DDR2: variants seen among roughly 807,000 people sequenced by gnomAD.
DDR2 encodes discoidin domain-containing receptor 2.
In DDR2, 27 loss-of-function variants were observed where a neutral mutation model predicts 94.9. That is an observed-to-expected ratio of 0.28 (90% confidence interval 0.21 to 0.39). The LOEUF (loss-of-function observed/expected upper bound fraction) is 0.39. Among genes scored for constraint, DDR2 ranks in the 10% least tolerant of loss-of-function variants. DDR2 has a pLI of 1.00. For synonymous variants in DDR2, 382 were observed against 377.2 expected, an observed-to-expected ratio of 1.01 and a Z score of -0.15; for missense variants, 783 against 1,076.0, an observed-to-expected ratio of 0.73 and a Z score of 3.81.
intron 2 of DDR2, among the ~76,000 whole-genome samples, chr1:162,696,091 T>C (rs1660172834): frequency 6.6e-6 from 1 of 152,148 alleles, no homozygotes; most frequent in Admixed American, 6.5e-5. Flanking sequence ...CCACTCATTA[T>C]ATTCCAGTAT....
intron 7 of DDR2, among the ~76,000 whole-genome samples, chr1:162,759,490 C>A (rs1303771076): frequency 6.6e-6 from 1 of 152,072 alleles, no homozygotes; most frequent in Non-Finnish European, 1.5e-5. Flanking sequence ...TAAGAATAGG[C>A]AAGGTGCAAT....
At chr1:162,652,942 C>G (rs1236070286) in intron 1 of DDR2, among the ~76,000 whole-genome samples, 1 of 151,614 alleles carries the variant, frequency 6.6e-6, no homozygotes, top group Non-Finnish European at 1.5e-5. Context: ...CTTGTCTGTA[C>G]AAAAAATACA....
intron 2 of DDR2, among the ~76,000 whole-genome samples, chr1:162,705,754 C>A (rs1383585923): frequency 6.6e-6 from 1 of 152,186 alleles, no homozygotes; most frequent in African/African-American, 2.4e-5. Context: ...GGCCCAGAGG[C>A]CAGCTTACTG....
intron 1 of DDR2, among the ~76,000 whole-genome samples, chr1:162,652,609 A>T (rs17472834): frequency 6.6e-6 from 1 of 152,242 alleles, no homozygotes; most frequent in Non-Finnish European, 1.5e-5. Context: ...ACAGACAATA[A>T]GGAGAGAGGA....
intron 2 of DDR2, among the ~76,000 whole-genome samples, chr1:162,656,448 A>G (rs1657968973): frequency 6.6e-6 from 1 of 152,080 alleles, no homozygotes; most frequent in Admixed American, 6.6e-5. Flanking sequence ...TCTGTTTATT[A>G]TCTAGGGAAT....
chr1:162,733,919 C>T (rs777361752), intron 3 of DDR2, among the ~76,000 whole-genome samples: 11 of 152,138 alleles, frequency 7.2e-5, no homozygotes, highest in African/African-American at 2.4e-4. Context: ...TCCATAGCTT[C>T]GTCACATTAT....
At chr1:162,703,762 T>C (rs1479219176) in intron 2 of DDR2, among the ~76,000 whole-genome samples, 2 of 152,206 alleles carry the variant, frequency 1.3e-5, no homozygotes, top group African/African-American at 4.8e-5. Context: ...TATGTAGTTA[T>C]TCCAGTTCCT....
At position 162,770,513 on chromosome 1, in the gene DDR2, G is replaced by A. The variant is rs1326143178; in HGVS notation, c.1504+1G>A. On this transcript the variant is annotated splice_donor_variant, in intron 12 of 17. Coordinates refer to ENST00000367921, the MANE Select transcript of DDR2 (RefSeq NM_006182.4). LOFTEE classifies it high-confidence loss of function. ...TTTGCTCCAGGGGAGGAGGAGTCAG[G>A]TGAGGATGATGTGGTGGGCAGGGTG... 2 of 1,613,966 alleles carry A rather than the reference G, an allele frequency of 1.2e-6. No homozygotes were observed. Among genetic ancestry groups the A allele is most frequent in the African/African-American group, 1.3e-5 (1 of 74,898 alleles).
chr1:162,678,306 G>C (rs1447737085), intron 2 of DDR2, among the ~76,000 whole-genome samples: 1 of 152,134 alleles, frequency 6.6e-6, no homozygotes, highest in African/African-American at 2.4e-5. Flanking sequence ...AATAATTCCT[G>C]TCTCATAAAG....
In DDR2 at chr1:162,772,072, T is replaced by C; in HGVS notation, c.1553T>C (p.Val518Ala). 1.2e-6 allele frequency: 2 copies of C among 1,613,306 alleles called. No individual in the cohort carries two copies. The highest frequency in any genetic ancestry group is 1.7e-6 in the Non-Finnish European group (2 of 1,179,802). The change falls in exon 13 of 18, where the codon GTG becomes GCG. Residue 518 changes from valine to alanine, a missense_variant. Around this residue, in one of 2 missense-constraint regions of DDR2, gnomAD observed 264 missense variants for 428.2 expected, o/e 0.62. Coordinates refer to ENST00000367921, the MANE Select transcript of DDR2 (RefSeq NM_006182.4). ...KPVQPSGPEG[V>A]PHYAEADIVN... ...GTCCAGCCCAGTGGCCCTGAGGGGG[T>C]GCCCCACTATGCAGAGGCTGACATA... is the stretch of plus-strand genomic sequence containing the variant.
chr1:162,726,105 A>G (rs186550215), intron 3 of DDR2, among the ~76,000 whole-genome samples: 12 of 152,318 alleles, frequency 7.9e-5, no homozygotes, highest in African/African-American at 2.9e-4. Context: ...GGCTGTTAGG[A>G]AGAGTAAGAG....
chr1:162,772,350 G>T, intron 13 of DDR2, 103 bp downstream of exon 13: 1 of 1,185,230 alleles, frequency 8.4e-7, no homozygotes, highest in Non-Finnish European at 1.2e-6. Context: ...ACAACAGAAT[G>T]TCTCTTCCAT....
At chr1:162,692,482 G>A (rs1040760509) in intron 2 of DDR2, among the ~76,000 whole-genome samples, 1 of 152,090 alleles carries the variant, frequency 6.6e-6, no homozygotes, top group Non-Finnish European at 1.5e-5. Flanking sequence ...AAAAAGACAA[G>A]AAAAGGGAAA....
intron 6 of DDR2, 85 bp from the exon 7 acceptor site, chr1:162,755,579 A>G: frequency 7.5e-7 from 1 of 1,330,526 alleles, no homozygotes; most frequent in South Asian, 1.2e-5. Flanking sequence ...CACGCTGTGC[A>G]AGCTTATACC....
At chr1:162,752,940 A>G (rs949143109) in intron 3 of DDR2, among the ~76,000 whole-genome samples, 155 bp from the exon 4 acceptor site, 1 of 152,312 alleles carries the variant, frequency 6.6e-6, no homozygotes, top group African/African-American at 2.4e-5. Flanking sequence ...CAAGTCTGAT[A>G]GAGTCAGGGT....
chr1:162,668,020 G>T (rs932958745), intron 2 of DDR2, among the ~76,000 whole-genome samples: 1 of 152,204 alleles, frequency 6.6e-6, no homozygotes, highest in Non-Finnish European at 1.5e-5. Flanking sequence ...AGTGAGGTAG[G>T]GGGAGTGGGG....
chr1:162,665,551 C>T (rs1658509648), intron 2 of DDR2, among the ~76,000 whole-genome samples: 1 of 127,676 alleles, frequency 7.8e-6, no homozygotes, highest in Admixed American at 9.7e-5. Flanking sequence ...TTAACAGGGA[C>T]TTGCATGTAT....
intron 2 of DDR2, among the ~76,000 whole-genome samples, chr1:162,668,896 C>G (rs965674451): frequency 6.6e-6 from 1 of 152,158 alleles, no homozygotes; most frequent in Non-Finnish European, 1.5e-5. Flanking sequence ...TTCAACCCAC[C>G]ATGCTATTAA....
chr1:162,709,363 A>G (rs1170919624), intron 2 of DDR2, among the ~76,000 whole-genome samples: 1 of 152,204 alleles, frequency 6.6e-6, no homozygotes, highest in Non-Finnish European at 1.5e-5. Context: ...AAGTTGGGCT[A>G]ATAGGGATAG....
Sources: gnomAD v4.1 joint callset for allele counts (sites outside exome capture counted in the v4.1 genomes callset) on GRCh38, gnomAD v4.1.1 for gene constraint, gnomAD v4.1.1 regional missense constraint, MANE v1.5 for transcripts, NCBI Gene and HGNC (gene_info 2026-07-23, HGNC 2026-07-21) for gene names.